The following KDM4C variants were observed in gnomAD, a reference collection of about 807,000 sequenced individuals.
KDM4C encodes the protein lysine-specific demethylase 4C.
In KDM4C, 81 loss-of-function variants were observed where a neutral mutation model predicts 129.3. The observed-to-expected ratio is 0.63, with a 90% CI of 0.52 to 0.75. KDM4C has a LOEUF of 0.75. Among genes scored for constraint, KDM4C ranks in the 30% least tolerant of loss-of-function variants. The probability of loss-of-function intolerance (pLI) is 0.00; values close to 1 mark genes in which losing one functional copy is unlikely to be tolerated. For missense variants in KDM4C, 1,457 were observed against 1,304.0 expected, an observed-to-expected ratio of 1.12 and a Z score of -1.81; for synonymous variants, 573 against 456.1, an observed-to-expected ratio of 1.26 and a Z score of -3.26.
At chr9:6,939,224 G>A (rs945672869) in intron 8 of KDM4C, among the ~76,000 whole-genome samples, 5 of 152,024 alleles carry the variant, frequency 3.3e-5, no homozygotes, top group Admixed American at 1.3e-4. Flanking sequence ...TGTCAGATCA[G>A]CGGTGGTATT....
At chr9:7,087,967 A>G (rs1835334371) in intron 17 of KDM4C, among the ~76,000 whole-genome samples, 1 of 152,254 alleles carries the variant, frequency 6.6e-6, no homozygotes, top group Admixed American at 6.5e-5. Flanking sequence ...TGATTTTTAA[A>G]TGTGGCTTTG....
chr9:7,110,954 T>C (rs1838253672), intron 18 of KDM4C, among the ~76,000 whole-genome samples: 1 of 152,216 alleles, frequency 6.6e-6, no homozygotes, highest in Non-Finnish European at 1.5e-5. Flanking sequence ...AAGTTAGTTA[T>C]GGAGAACTTT....
At chr9:6,967,557 A>C (rs1831213232) in intron 8 of KDM4C, among the ~76,000 whole-genome samples, 1 of 152,182 alleles carries the variant, frequency 6.6e-6, no homozygotes, top group South Asian at 2.1e-4. Flanking sequence ...CTAGGCTGTG[A>C]AATTGTTGGA....
At chr9:6,976,773 A>T (rs1357870640) in intron 8 of KDM4C, among the ~76,000 whole-genome samples, 1 of 151,954 alleles carries the variant, frequency 6.6e-6, no homozygotes, top group Non-Finnish European at 1.5e-5. Flanking sequence ...TTTTTAAATT[A>T]TCCATTCCCA....
chr9:6,919,062 A>G (rs1820848214), intron 8 of KDM4C, among the ~76,000 whole-genome samples: 2 of 152,138 alleles, frequency 1.3e-5, no homozygotes, highest in Admixed American at 6.5e-5. Context: ...CATCTTGGCC[A>G]GACTGGTCTT....
intron 4 of KDM4C, among the ~76,000 whole-genome samples, chr9:6,845,837 G>C (rs899812646): frequency 3.3e-5 from 5 of 152,210 alleles, no homozygotes; most frequent in African/African-American, 1.2e-4. Flanking sequence ...AGTTTTGTTC[G>C]AGGGAGACAG....
rs116095015 is a variant in KDM4C at position 7,064,620 on chromosome 9, A to G, written c.2424+15420A>G. ...GTCCTGCAACGTGCAAGGCTCCTCA[A>G]TACTGGGAGAGGCATAGGGTTTAGT... On this transcript the variant is annotated intron_variant, in intron 17 of 21. Coordinates refer to ENST00000381309, the MANE Select transcript of KDM4C (RefSeq NM_015061.6). 5.4e-3 allele frequency among the ~76,000 whole-genome samples: 818 copies of G among 152,350 alleles called. 9 individuals carry two copies. The highest frequency in any genetic ancestry group is 0.018 in the African/African-American group (768 of 41,588).
chr9:6,971,121 T>G (rs1165362223), intron 8 of KDM4C, among the ~76,000 whole-genome samples: 1 of 152,152 alleles, frequency 6.6e-6, no homozygotes, highest in Non-Finnish European at 1.5e-5. Context: ...TCTGAAGAAA[T>G]AAGTGAAACT....
At chr9:6,868,788 C>T (rs559592022) in intron 5 of KDM4C, among the ~76,000 whole-genome samples, 3 of 151,818 alleles carry the variant, frequency 2.0e-5, no homozygotes, top group Non-Finnish European at 2.9e-5. Flanking sequence ...CGCTTTACTA[C>T]TGCATGTATT....
At chr9:7,081,233 C>T (rs578001124) in intron 17 of KDM4C, among the ~76,000 whole-genome samples, 9 of 152,134 alleles carry the variant, frequency 5.9e-5, no homozygotes, top group Middle Eastern at 3.4e-3. Context: ...TTTTATGTGC[C>T]ACGTAGACAC....
chr9:7,124,035 T>C (rs1839779809), intron 18 of KDM4C, among the ~76,000 whole-genome samples: 1 of 152,168 alleles, frequency 6.6e-6, no homozygotes, highest in Admixed American at 6.6e-5. Context: ...GAGAGTCTGC[T>C]CCCAATGAGG....
Position 7,143,740 on chromosome 9 carries a change from C to T in KDM4C, c.2781+15504C>T, listed in dbSNP as rs538562474. Among the ~76,000 whole-genome samples the T allele has an allele frequency of 3.2e-4, 49 of 152,316 alleles. 2 individuals are homozygous for T. Among genetic ancestry groups the T allele is most frequent in the African/African-American group, 9.9e-4 (41 of 41,572 alleles). Reference sequence around the variant, plus strand: ...TCATTTGGGGGAGTTTCTGACTTCCCTTTAAGCATAATAATGTTGACTAAA... The same window carrying T: ...TCATTTGGGGGAGTTTCTGACTTCCTTTTAAGCATAATAATGTTGACTAAA... On this transcript the variant is annotated intron_variant, in intron 19 of 21. Transcript: ENST00000381309.
intron 18 of KDM4C, among the ~76,000 whole-genome samples, chr9:7,111,715 G>A (rs764561742): frequency 6.6e-6 from 1 of 152,198 alleles, no homozygotes; most frequent in African/African-American, 2.4e-5. Context: ...GGGGGAGTCA[G>A]GATGGAGTGG....
intron 17 of KDM4C, among the ~76,000 whole-genome samples, chr9:7,085,474 C>G (rs983877683): frequency 6.6e-6 from 1 of 152,092 alleles, no homozygotes; most frequent in African/African-American, 2.4e-5. Flanking sequence ...TTTTTCAGGT[C>G]TGTTGGTTAA....
At chr9:6,804,808 C>T (rs1045490569) in intron 2 of KDM4C, among the ~76,000 whole-genome samples, 4 of 151,804 alleles carry the variant, frequency 2.6e-5, no homozygotes, top group Non-Finnish European at 4.4e-5. Context: ...TTATTTTTCT[C>T]ATAATAATAT....
intron 8 of KDM4C, among the ~76,000 whole-genome samples, chr9:6,931,041 A>T (rs1332005660): frequency 6.6e-6 from 1 of 151,984 alleles, no homozygotes; most frequent in Non-Finnish European, 1.5e-5. Context: ...TTTTACCAGG[A>T]TTCATCAGGA....
At chr9:7,000,121 C>G (rs1340563618) in intron 12 of KDM4C, among the ~76,000 whole-genome samples, 1 of 152,058 alleles carries the variant, frequency 6.6e-6, no homozygotes, top group Non-Finnish European at 1.5e-5. Flanking sequence ...GATATTTTAT[C>G]TAGTGCTTAA....
In KDM4C at chr9:7,013,724, A is replaced by T; in HGVS notation, c.1969-64A>T. ...TCTGGAACAGGAGTTAGTGGATTTG[A>T]GTGACTAGAATGATGAGCTCTTTTC... is the stretch of plus-strand genomic sequence containing the variant. On this transcript the variant is annotated intron_variant, in intron 13 of 21. Transcript: ENST00000381309. 2.7e-6 allele frequency: 4 copies of T among 1,482,444 alleles called. No individual in the cohort carries two copies. The South Asian group carries it at 3.6e-5, about 13-fold the overall frequency. The allele number at this position is 1,482,444 out of a possible 1,614,324, so 91.8% of individuals were successfully genotyped here.
In KDM4C at chr9:7,087,102, T is replaced by TG. The variant is rs397686985; in HGVS notation, c.2425-16583_2425-16582insG. Among the ~76,000 whole-genome samples the TG allele has an allele frequency of 4.6e-3, 694 of 151,516 alleles. 6 individuals are homozygous for TG. The highest frequency in any genetic ancestry group is 0.015 in the African/African-American group (638 of 41,286). ...ACTTACGTGGCTCTTTTTTTTTTTT[T>TG]CACTTTTGACAGAATTAAAGGAGTA... On this transcript the variant is annotated intron_variant, in intron 17 of 21. Transcript: ENST00000381309.
Sources: gnomAD v4.1 joint callset for allele counts (sites outside exome capture counted in the v4.1 genomes callset) on GRCh38, gnomAD v4.1.1 for gene constraint, MANE v1.5 for transcripts, NCBI Gene and HGNC (gene_info 2026-07-23, HGNC 2026-07-21) for gene names.